Variants in SLC35F2 observed in about 807,000 individuals in gnomAD.
SLC35F2 encodes solute carrier family 35 member F2, also known as queuine/queuosine transporter SLC35F2.
In SLC35F2, 25 loss-of-function variants were observed where a neutral mutation model predicts 38.1. That is an observed-to-expected ratio of 0.66 (90% CI 0.48 to 0.92). SLC35F2 has a LOEUF of 0.92. Among genes scored for constraint, SLC35F2 ranks in the 40% least tolerant of loss-of-function variants. The pLI, the probability that SLC35F2 is intolerant of heterozygous loss-of-function variation, is 0.00. For missense variants in SLC35F2, 409 were observed against 452.9 expected, an observed-to-expected ratio of 0.90 and a Z score of 0.88; for synonymous variants, 173 against 181.7, an observed-to-expected ratio of 0.95 and a Z score of 0.38.
chr11:107,792,305 G>T lies in SLC35F2; in HGVS notation c.*310C>A. On this transcript the variant is annotated 3_prime_UTR_variant, in exon 8 of 8. Transcript: ENST00000525815. ...CCTGGCCTGAGGCTGGCTCAGTCCTGGATCTCTCCCCAGTCCTGCTTTCCC... is the reference window on the plus strand; with the variant it reads ...CCTGGCCTGAGGCTGGCTCAGTCCTTGATCTCTCCCCAGTCCTGCTTTCCC... The T allele has an allele frequency of 4.4e-6, 1 of 228,540 alleles. No individual in the cohort carries two copies. Among genetic ancestry groups the T allele is most frequent in the Non-Finnish European group, 8.4e-6 (1 of 119,108 alleles). 14.2% of individuals were successfully genotyped at this position (228,540 alleles called of 1,614,324 possible). A position where few individuals can be genotyped will look rare whatever the true frequency, so the allele number is the denominator to read the frequency against.
At chr11:107,825,708 T>G (rs1047471013) in intron 1 of SLC35F2, among the ~76,000 whole-genome samples, 1 of 152,118 alleles carries the variant, frequency 6.6e-6, no homozygotes, top group Non-Finnish European at 1.5e-5. Flanking sequence ...AGGAGATACT[T>G]ATGCTGCTGG....
At chr11:107,837,019 G>A (rs1859940836) in intron 1 of SLC35F2, among the ~76,000 whole-genome samples, 1 of 152,092 alleles carries the variant, frequency 6.6e-6, no homozygotes, top group Non-Finnish European at 1.5e-5. Flanking sequence ...CACTTTCATC[G>A]TTTGCCAGGG....
rs776556481 is a variant in SLC35F2 at position 107,807,573 on chromosome 11, TA to T, written c.415-698del. 7.1e-3 allele frequency among the ~76,000 whole-genome samples: 734 copies of T among 103,944 alleles called. 5 individuals carry two copies. The highest frequency in any genetic ancestry group is 8.3e-3 in the Non-Finnish European group (406 of 48,800). The allele number at this position is 103,944 out of a possible 152,430, so 68.2% of individuals were successfully genotyped here. A position where few individuals can be genotyped will look rare whatever the true frequency, so the allele number is the denominator to read the frequency against. On this transcript the variant is annotated intron_variant, in intron 3 of 7. Transcript: ENST00000525815. ...GTGTATATCTTTTCTTTTATTTTAT[TA>T]TTATTATTTTTTTTTTGAGATGGAG...
intron 1 of SLC35F2, among the ~76,000 whole-genome samples, chr11:107,818,952 G>C (rs1171787615): frequency 6.6e-6 from 1 of 152,028 alleles, no homozygotes; most frequent in African/African-American, 2.4e-5. Context: ...ACCACCCTGG[G>C]CAACAAAGAG....
chr11:107,797,306 G>C (rs1310663421), intron 7 of SLC35F2, among the ~76,000 whole-genome samples: 2 of 151,980 alleles, frequency 1.3e-5, no homozygotes, highest in African/African-American at 4.8e-5. Flanking sequence ...TAAGAAAACA[G>C]AATGGGCTAG....
At chr11:107,838,360 T>C (rs555115329) in intron 1 of SLC35F2, among the ~76,000 whole-genome samples, 57 of 152,340 alleles carry the variant, frequency 3.7e-4, no homozygotes, top group Non-Finnish European at 6.2e-4. Context: ...GTTTTGCTTT[T>C]GTCACCCAGG....
chr11:107,826,345 G>A (rs998070515), intron 1 of SLC35F2, among the ~76,000 whole-genome samples: 1 of 149,532 alleles, frequency 6.7e-6, no homozygotes, highest in Non-Finnish European at 1.5e-5. Context: ...AGCTCGATCT[G>A]GGCTCACCAC....
chr11:107,830,825 G>GAA (rs1345855682), intron 1 of SLC35F2, among the ~76,000 whole-genome samples: 4 of 152,026 alleles, frequency 2.6e-5, no homozygotes, highest in Admixed American at 2.6e-4. Flanking sequence ...AAGAGAGAGA[G>GAA]AAAAAAATAA....
At chr11:107,852,642 T>A (rs1163653858) in intron 1 of SLC35F2, among the ~76,000 whole-genome samples, 1 of 151,280 alleles carries the variant, frequency 6.6e-6, no homozygotes, top group Admixed American at 6.6e-5. Context: ...GGGGCCGAGA[T>A]GAGCAGGTCA....
At chr11:107,807,529 T>C (rs926187796) in intron 3 of SLC35F2, among the ~76,000 whole-genome samples, 1 of 151,964 alleles carries the variant, frequency 6.6e-6, no homozygotes, top group Non-Finnish European at 1.5e-5. Context: ...CTGTGCACTT[T>C]ACCTCTATGC....
chr11:107,823,926 CAAAAAAAA>C lies in SLC35F2; in HGVS notation c.111-7969_111-7962del, dbSNP rs58357861. The C allele has an allele frequency of 7.2e-5, 47 of 648,444 alleles. No individual in the cohort carries two copies. The East Asian group carries it at 1.6e-3, about 22-fold the overall frequency. 40.2% of individuals were successfully genotyped at this position (648,444 alleles called of 1,614,324 possible). A position where few individuals can be genotyped will look rare whatever the true frequency, so the allele number is the denominator to read the frequency against. ...CCTGGGCGACATAACAAGACAGTCT[CAAAAAAAA>C]AAAAAAAAAGAAAAAAGAAAAGAAA... On this transcript the variant is annotated intron_variant, in intron 1 of 7. Transcript: ENST00000525815.
At chr11:107,838,880 C>T (rs934065321) in intron 1 of SLC35F2, among the ~76,000 whole-genome samples, 9 of 152,028 alleles carry the variant, frequency 5.9e-5, no homozygotes, top group African/African-American at 1.9e-4. Context: ...CTGCCCATCT[C>T]GGCCTCCCAA....
At chr11:107,853,068 C>G (rs937625865) in intron 1 of SLC35F2, among the ~76,000 whole-genome samples, 1 of 151,990 alleles carries the variant, frequency 6.6e-6, no homozygotes, top group African/African-American at 2.4e-5. Flanking sequence ...CTCCTCCAGC[C>G]CATGCCCCCT....
intron 1 of SLC35F2, among the ~76,000 whole-genome samples, chr11:107,854,365 C>T (rs376174607): frequency 3.3e-5 from 5 of 151,718 alleles, no homozygotes; most frequent in Admixed American, 6.6e-5. Context: ...CCACGGAGGT[C>T]GAGGCTGCAG....
intron 7 of SLC35F2, among the ~76,000 whole-genome samples, chr11:107,802,352 C>T (rs116607613): frequency 6.2e-4 from 94 of 152,254 alleles, no homozygotes; most frequent in African/African-American, 2.2e-3. Context: ...TCCATATTTG[C>T]TCTCTTGCTT....
rs1315859182 is a variant in SLC35F2 at position 107,806,021 on chromosome 11, G to A, written c.575-506C>T. ...TGGTCTCGAACTCCTGACCTCAGGTGATCCACCCACCTTGGCCTTCCAAAA... is the reference window on the plus strand; with the variant it reads ...TGGTCTCGAACTCCTGACCTCAGGTAATCCACCCACCTTGGCCTTCCAAAA... On this transcript the variant is annotated intron_variant, in intron 4 of 7. Transcript: ENST00000525815. Among the ~76,000 whole-genome samples the A allele has an allele frequency of 2.0e-5, 3 of 152,138 alleles. No homozygotes were observed. The East Asian group carries it at 5.8e-4, about 29-fold the overall frequency.
chr11:107,832,698 T>C (rs1161153100), intron 1 of SLC35F2, among the ~76,000 whole-genome samples: 3 of 152,072 alleles, frequency 2.0e-5, no homozygotes, highest in Non-Finnish European at 4.4e-5. Context: ...CCCAGCTATT[T>C]AGGAGGCTGA....
intron 2 of SLC35F2, among the ~76,000 whole-genome samples, chr11:107,813,673 T>C (rs1325013489): frequency 6.6e-6 from 1 of 152,078 alleles, no homozygotes; most frequent in Non-Finnish European, 1.5e-5. Context: ...ACTCTTCTTT[T>C]TTTTCCTTTG....
Position 107,792,525 on chromosome 11 carries a change from T to C in SLC35F2, c.*90A>G. On this transcript the variant is annotated 3_prime_UTR_variant, in exon 8 of 8. Transcript: ENST00000525815. ...CCAACCCAGGGTTGTAGAGTGTCCA[T>C]TCTGAGTCTGCTATTTCCCCAAGTG... 4 of 1,441,698 alleles carry C rather than the reference T, an allele frequency of 2.8e-6. No homozygotes were observed. Among genetic ancestry groups the C allele is most frequent in the Non-Finnish European group, 3.7e-6 (4 of 1,076,386 alleles). The allele number at this position is 1,441,698 out of a possible 1,614,324, so 89.3% of individuals were successfully genotyped here. A position where few individuals can be genotyped will look rare whatever the true frequency, so the allele number is the denominator to read the frequency against.
Sources: allele counts gnomAD v4.1 joint callset (sites outside exome capture counted in the v4.1 genomes callset), GRCh38; gene constraint gnomAD v4.1.1; transcripts MANE v1.5; gene names NCBI Gene and HGNC (gene_info 2026-07-23, HGNC 2026-07-21).